The following GRIK4 variants were observed in gnomAD, a reference collection of about 807,000 sequenced individuals.
GRIK4 encodes the protein glutamate receptor ionotropic, kainate 4.
Under a neutral mutation model 104.9 loss-of-function variants are expected in GRIK4, and 40 were observed. The observed-to-expected ratio is 0.38, with a 90% CI of 0.30 to 0.50. GRIK4 has a LOEUF of 0.50. GRIK4 is among the 20% of genes least tolerant of loss of function. The pLI is 0.93. For missense variants in GRIK4, 1,047 were observed against 1,308.1 expected, an observed-to-expected ratio of 0.80 and a Z score of 3.08; for synonymous variants, 485 against 524.9, an observed-to-expected ratio of 0.92 and a Z score of 1.04.
chr11:120,957,008 G>A, intron 16 of GRIK4, 55 bp downstream of exon 16: 1 of 1,438,200 alleles, frequency 7.0e-7, no homozygotes, highest in South Asian at 1.4e-5. Flanking sequence ...CACAAAAGGG[G>A]CCCTCTGATA....
intron 1 of GRIK4, among the ~76,000 whole-genome samples, chr11:120,611,733 A>G (rs1211788869): frequency 2.6e-5 from 4 of 151,988 alleles, no homozygotes; most frequent in Non-Finnish European, 4.4e-5. Context: ...TCTCTCCCCC[A>G]TCTGCCTATA....
At chr11:120,979,198 TTTAA>T (rs1453741499) in intron 19 of GRIK4, among the ~76,000 whole-genome samples, 17 of 152,228 alleles carry the variant, frequency 1.1e-4, no homozygotes, top group African/African-American at 2.9e-4. Flanking sequence ...TGAAGACATG[TTTAA>T]TTAAATATCT....
chr11:120,677,325 G>A (rs891783229), intron 3 of GRIK4, among the ~76,000 whole-genome samples: 1 of 152,206 alleles, frequency 6.6e-6, no homozygotes, highest in African/African-American at 2.4e-5. Flanking sequence ...CTGCCATGGG[G>A]TCTAGAGAGA....
chr11:120,681,714 G>C (rs1004232557), intron 3 of GRIK4, among the ~76,000 whole-genome samples: 3 of 152,292 alleles, frequency 2.0e-5, no homozygotes, highest in Admixed American at 2.0e-4. Flanking sequence ...AATCATCCCC[G>C]TCACAGGCAG....
chr11:120,966,864 GAA>G (rs1362536564), intron 18 of GRIK4, among the ~76,000 whole-genome samples: 2 of 152,180 alleles, frequency 1.3e-5, no homozygotes, highest in African/African-American at 4.8e-5. Flanking sequence ...CCCGGCTGGG[GAA>G]GTGGATGGCA....
intron 3 of GRIK4, among the ~76,000 whole-genome samples, chr11:120,668,101 GGATAGATAGATAGATAGATAGATA>G (rs60323501): frequency 4.2e-5 from 6 of 144,092 alleles, no homozygotes; most frequent in Admixed American, 1.4e-4. Context: ...ATAGATAGAT[GGATAGATAGATAGATAGATAGATA>G]GATAGATAGA....
chr11:120,819,857 G>A lies in GRIK4; in HGVS notation c.448G>A (p.Val150Ile), dbSNP rs1376602634. ...HPSNTDISVA[V>I]AGILNFFNCT... ...CAGCAACACTGACATCAGCGTGGCT[G>A]TAGCTGGGATCCTGAACTTCTTCAA... The change falls in exon 6 of 21, where the codon GTA becomes ATA. Residue 150 changes from valine to isoleucine, a missense_variant. Transcript: ENST00000527524. This position sits in a 1 kb window ranked among gnomAD's most constrained non-coding sequence, Gnocchi z 4.3. 1 of 1,614,156 alleles carries A rather than the reference G, an allele frequency of 6.2e-7. No homozygotes were observed. The highest frequency in any genetic ancestry group is 8.5e-7 in the Non-Finnish European group (1 of 1,180,012).
Position 120,785,499 on chromosome 11 carries a change from C to G in GRIK4, c.83-17194C>G, listed in dbSNP as rs572954503. On this transcript the variant is annotated intron_variant, in intron 3 of 20. Coordinates refer to ENST00000527524, the MANE Select transcript of GRIK4 (RefSeq NM_014619.5). Reference sequence around the variant, plus strand: ...ACTGCAGATAGAATTGTCGGTGATGCCAGGGACTTTACTCATACATTTTGT... The same window carrying G: ...ACTGCAGATAGAATTGTCGGTGATGGCAGGGACTTTACTCATACATTTTGT... Among the ~76,000 whole-genome samples, 733 of 152,282 alleles carry G rather than the reference C, an allele frequency of 4.8e-3. 4 individuals carry two copies. Among genetic ancestry groups the G allele is most frequent in the Non-Finnish European group, 8.1e-3 (550 of 68,024 alleles).
Position 120,634,375 on chromosome 11 carries a change from T to C in GRIK4, c.-158-19310T>C, listed in dbSNP as rs556518202. Reference sequence around the variant, plus strand: ...GCGGAGCTGGCATTCAAACCCAGCTTTCCCCATTCCAAAGCTTCTCCCACA... The same window carrying C: ...GCGGAGCTGGCATTCAAACCCAGCTCTCCCCATTCCAAAGCTTCTCCCACA... On this transcript the variant is annotated intron_variant, in intron 1 of 20. Transcript: ENST00000527524. 1.6e-4 allele frequency among the ~76,000 whole-genome samples: 24 copies of C among 152,200 alleles called. No individual in the cohort carries two copies. In the South Asian group the frequency reaches 5.0e-3, roughly 32 times the overall value.
intron 5 of GRIK4, among the ~76,000 whole-genome samples, chr11:120,818,571 A>G (rs1953021853): frequency 3.3e-5 from 5 of 152,264 alleles, no homozygotes; most frequent in South Asian, 4.1e-4. Context: ...TTTTTCCCCT[A>G]GTTTCTGCTA....
intron 4 of GRIK4, among the ~76,000 whole-genome samples, chr11:120,807,074 A>C (rs1779442391): frequency 6.6e-6 from 1 of 152,064 alleles, no homozygotes; most frequent in African/African-American, 2.4e-5. Context: ...TTGACTTTCC[A>C]ACTCCTTCTA....
intron 19 of GRIK4, among the ~76,000 whole-genome samples, chr11:120,969,616 G>A (rs1367918818): frequency 6.6e-6 from 1 of 152,180 alleles, no homozygotes; most frequent in African/African-American, 2.4e-5. Flanking sequence ...ACCTGGAATA[G>A]CTAAAATAAA....
chr11:120,783,262 G>A (rs551641633), intron 3 of GRIK4, among the ~76,000 whole-genome samples: 17 of 152,326 alleles, frequency 1.1e-4, no homozygotes, highest in South Asian at 6.2e-4. Context: ...GGAAGACCAC[G>A]AGAACAGGAG....
intron 1 of GRIK4, among the ~76,000 whole-genome samples, chr11:120,606,462 C>T (rs1052011786): frequency 2.3e-4 from 35 of 152,180 alleles, no homozygotes; most frequent in African/African-American, 6.8e-4. Context: ...CTCTAGATTC[C>T]GCATCAGACA....
chr11:120,844,758 T>A (rs1195002086), intron 8 of GRIK4, among the ~76,000 whole-genome samples: 2 of 152,206 alleles, frequency 1.3e-5, no homozygotes, highest in Non-Finnish European at 2.9e-5. Context: ...TGGACAGATT[T>A]GAAGTCAACG....
intron 1 of GRIK4, among the ~76,000 whole-genome samples, chr11:120,622,259 C>G (rs916306593): frequency 6.6e-6 from 1 of 152,184 alleles, no homozygotes; most frequent in Non-Finnish European, 1.5e-5. Flanking sequence ...GGATGTGGTA[C>G]ATTTAATTTT....
chr11:120,857,675 G>A (rs1187408035), intron 8 of GRIK4, among the ~76,000 whole-genome samples: 1 of 152,226 alleles, frequency 6.6e-6, no homozygotes, highest in Non-Finnish European at 1.5e-5. Context: ...TTCTGGAGGT[G>A]TGACAGGGTG....
chr11:120,703,027 T>G (rs1950577356), intron 3 of GRIK4, among the ~76,000 whole-genome samples: 1 of 152,240 alleles, frequency 6.6e-6, no homozygotes, highest in Admixed American at 6.5e-5. Context: ...TAGCTGCCTT[T>G]AGTTCAGAGG....
chr11:120,875,222 C>G lies in GRIK4; in HGVS notation c.1143C>G (p.Phe381Leu), dbSNP rs1372415996. Residue 381 changes from phenylalanine (F) to leucine (L), a missense_variant, in exon 11 of 21, where the codon TTC (phenylalanine) becomes TTG (leucine). Physicochemically the swap from Phe to Leu is conservative, Grantham distance 22. Coordinates refer to ENST00000527524, the MANE Select transcript of GRIK4 (RefSeq NM_014619.5). ...RSNYALKILQ[F>L]TRNGFRQIGQ... is the part of the protein sequence containing the mutation. Reference sequence around the variant, plus strand: ...ACTACGCTTTGAAAATCTTACAGTTCACAAGGAATGGTTTTCGGCAGGTAA... The same window carrying G: ...ACTACGCTTTGAAAATCTTACAGTTGACAAGGAATGGTTTTCGGCAGGTAA... 1 of 1,611,734 alleles carries G rather than the reference C, an allele frequency of 6.2e-7. No homozygotes were observed. The highest frequency in any genetic ancestry group is 1.3e-5 in the African/African-American group (1 of 74,896).
Sources: gnomAD v4.1 joint callset for allele counts (sites outside exome capture counted in the v4.1 genomes callset) on GRCh38, gnomAD v4.1.1 for gene constraint, Gnocchi (gnomAD v3.1) non-coding constraint, MANE v1.5 for transcripts, NCBI Gene and HGNC (gene_info 2026-07-23, HGNC 2026-07-21) for gene names.